Variants in XRCC5 observed in about 807,000 individuals in gnomAD.
The protein encoded by XRCC5 is DNA repair protein Ku80.
XRCC5 carries 12 observed loss-of-function variants against 95.7 expected under a neutral mutation model. That is an observed-to-expected ratio of 0.13 (90% CI 0.08 to 0.20). The LOEUF (loss-of-function observed/expected upper bound fraction) is 0.20, where lower values mean the gene tolerates loss of function less well. Among genes scored for constraint, XRCC5 ranks in the 10% least tolerant of loss-of-function variants. XRCC5 has a pLI of 1.00. For synonymous variants in XRCC5, 281 were observed against 290.3 expected, an observed-to-expected ratio of 0.97 and a Z score of 0.33; for missense variants, 595 against 873.9, an observed-to-expected ratio of 0.68 and a Z score of 4.02.
Position 216,149,514 on chromosome 2 carries a change from G to C in XRCC5, c.1670+1238G>C, listed in dbSNP as rs41296424. Among the ~76,000 whole-genome samples the C allele has an allele frequency of 1.1e-4, 16 of 152,182 alleles. No individual in the cohort carries two copies. The East Asian group carries it at 2.5e-3, about 24-fold the overall frequency. On this transcript the variant is annotated intron_variant, in intron 14 of 20. Coordinates refer to ENST00000392132, the MANE Select transcript of XRCC5 (RefSeq NM_021141.4). ...CCCCTGCTATCCTTATCTACCTTCT[G>C]GATTTGTATTTTAAAACAGTTCAAT...
chr2:216,128,454 TTA>T (rs1438166086), intron 8 of XRCC5, among the ~76,000 whole-genome samples: 1 of 152,178 alleles, frequency 6.6e-6, no homozygotes, highest in Non-Finnish European at 1.5e-5. Flanking sequence ...GTGGTGGTGG[TTA>T]TGATTCCTTC....
intron 6 of XRCC5, among the ~76,000 whole-genome samples, chr2:216,125,261 G>A (rs899723426): frequency 7.3e-5 from 11 of 150,680 alleles, no homozygotes; most frequent in Admixed American, 4.6e-4. Flanking sequence ...GCAATGGCGC[G>A]ATCTCAGCTC....
chr2:216,145,254 T>C (rs766165288), intron 13 of XRCC5, among the ~76,000 whole-genome samples: 4 of 152,232 alleles, frequency 2.6e-5, no homozygotes, highest in Admixed American at 6.5e-5. Context: ...TTGAAATACC[T>C]ACAGTTAAGG....
In XRCC5 at chr2:216,134,682, CT is replaced by C. The variant is rs1304220114; in HGVS notation, c.1113+2296del. On this transcript the variant is annotated intron_variant, in intron 10 of 20. Coordinates refer to ENST00000392132, the MANE Select transcript of XRCC5 (RefSeq NM_021141.4). ...GACCTCAGGTGATCCACCCCCCCCC[CT>C]CCTCGGCCTCCCAAAGTGTTGGGAT... Among the ~76,000 whole-genome samples, 345 of 144,894 alleles carry C rather than the reference CT, an allele frequency of 2.4e-3. 1 individual carries two copies. The highest frequency in any genetic ancestry group is 0.019 in the East Asian group (92 of 4,836).
intron 14 of XRCC5, among the ~76,000 whole-genome samples, chr2:216,153,540 G>A (rs1688786692): frequency 1.3e-5 from 2 of 152,194 alleles, no homozygotes; most frequent in South Asian, 4.1e-4. Flanking sequence ...AACTTAATAT[G>A]TTAAGTGCTT....
At chr2:216,135,774 G>T (rs1020792446) in intron 10 of XRCC5, among the ~76,000 whole-genome samples, 2 of 150,828 alleles carry the variant, frequency 1.3e-5, no homozygotes, top group African/African-American at 4.9e-5. Flanking sequence ...ACTCCAGCCT[G>T]GGGGACAGAG....
intron 16 of XRCC5, among the ~76,000 whole-genome samples, chr2:216,184,032 C>CTCTGTGTGTGTGTG (rs1689443032): frequency 6.9e-6 from 1 of 145,630 alleles, no homozygotes; most frequent in African/African-American, 2.6e-5. Context: ...TAAGTCAGCA[C>CTCTGTGTGTGTGTG]TGTGTGTGTG....
Position 216,205,347 on chromosome 2 carries a change from C to T in XRCC5, c.*145C>T. On this transcript the variant is annotated 3_prime_UTR_variant, in exon 21 of 21. Transcript: ENST00000392132. ...TTACCTGGAGGCGGATCATCTAATT[C>T]TCTGTGGAATGAATACACACATATA... 1 of 903,998 alleles carries T rather than the reference C, an allele frequency of 1.1e-6. No individual in the cohort carries two copies. Among genetic ancestry groups the T allele is most frequent in the Non-Finnish European group, 1.8e-6 (1 of 541,960 alleles). The allele number at this position is 903,998 out of a possible 1,614,324, so 56.0% of individuals were successfully genotyped here.
intron 19 of XRCC5, among the ~76,000 whole-genome samples, chr2:216,195,634 T>G (rs1689705166): frequency 6.6e-6 from 1 of 152,150 alleles, no homozygotes; most frequent in Non-Finnish European, 1.5e-5. Context: ...CCCATGAGCT[T>G]CTTATTCACA....
intron 16 of XRCC5, among the ~76,000 whole-genome samples, chr2:216,181,043 C>T (rs1205531773): frequency 2.6e-5 from 4 of 151,996 alleles, no homozygotes; most frequent in Admixed American, 1.3e-4. Flanking sequence ...GAACTCCCGA[C>T]CTCAGATCAT....
Position 216,109,416 on chromosome 2 carries a change from A to G in XRCC5, c.-21A>G. On this transcript the variant is annotated 5_prime_UTR_variant, in exon 1 of 21. Transcript: ENST00000392132. ...GGTTCCCGCCCGGAAGAAGCGACCA[A>G]AGCGCCTGAGGACCGGCAACATGGT... 1 of 1,613,828 alleles carries G rather than the reference A, an allele frequency of 6.2e-7. No individual in the cohort carries two copies. Among genetic ancestry groups the G allele is most frequent in the East Asian group, 2.2e-5 (1 of 44,866 alleles).
intron 14 of XRCC5, among the ~76,000 whole-genome samples, chr2:216,155,738 A>T (rs1279557128): frequency 6.6e-6 from 1 of 152,268 alleles, no homozygotes; most frequent in African/African-American, 2.4e-5. Flanking sequence ...TCTTGTACTT[A>T]AAAAGCACAT....
intron 16 of XRCC5, among the ~76,000 whole-genome samples, chr2:216,181,285 C>G (rs41302486): frequency 6.6e-6 from 1 of 152,228 alleles, no homozygotes; most frequent in African/African-American, 2.4e-5. Context: ...CATTAATAAC[C>G]TTCAAAGTTC....
intron 16 of XRCC5, among the ~76,000 whole-genome samples, chr2:216,165,489 G>A (rs527845027): frequency 5.9e-5 from 9 of 152,274 alleles, no homozygotes; most frequent in South Asian, 2.1e-4. Flanking sequence ...CCCTTCTGCC[G>A]TTCTTGGTGC....
At chr2:216,148,619 TGA>T (rs1021079868) in intron 14 of XRCC5, among the ~76,000 whole-genome samples, 16 of 152,298 alleles carry the variant, frequency 1.1e-4, no homozygotes, top group African/African-American at 3.8e-4. Context: ...GTACTGAGAA[TGA>T]GTGTGTTGAA....
At chr2:216,134,528 A>C (rs980660670) in intron 10 of XRCC5, among the ~76,000 whole-genome samples, 4 of 151,718 alleles carry the variant, frequency 2.6e-5, no homozygotes, top group Admixed American at 2.6e-4. Flanking sequence ...CCCGGGTTCA[A>C]GTGATTCTCC....
At chr2:216,114,811 C>T (rs1386628315) in intron 2 of XRCC5, among the ~76,000 whole-genome samples, 1 of 152,178 alleles carries the variant, frequency 6.6e-6, no homozygotes, top group East Asian at 1.9e-4. Flanking sequence ...GGTATAAAAG[C>T]TGCCTCTGGG....
chr2:216,133,439 T>C (rs1054283162), intron 10 of XRCC5, among the ~76,000 whole-genome samples: 1 of 152,250 alleles, frequency 6.6e-6, no homozygotes, highest in African/African-American at 2.4e-5. Flanking sequence ...GTTTCCCAGA[T>C]AGCTGGGACT....
chr2:216,125,095 A>C (rs115345179), intron 6 of XRCC5, among the ~76,000 whole-genome samples: 5,985 of 152,256 alleles, frequency 0.039, 119 homozygotes, highest in Non-Finnish European at 0.049. Flanking sequence ...TTTAATATTC[A>C]GAATTGGAAT....
Sources: allele counts gnomAD v4.1 joint callset (sites outside exome capture counted in the v4.1 genomes callset), GRCh38; gene constraint gnomAD v4.1.1; transcripts MANE v1.5; gene names NCBI Gene and HGNC (gene_info 2026-07-23, HGNC 2026-07-21).